MYO3A: variants seen among roughly 807,000 people sequenced by gnomAD.
MYO3A encodes the protein myosin IIIA, also known as myosin-IIIa.
MYO3A carries 180 observed loss-of-function variants against 192.7 expected under a neutral mutation model. The observed-to-expected ratio is 0.93, with a 90% confidence interval of 0.83 to 1.06. MYO3A has a LOEUF of 1.06. Among genes scored for constraint, MYO3A ranks in the 50% least tolerant of loss-of-function variants. The probability of loss-of-function intolerance (pLI) is 0.00; values close to 1 mark genes in which losing one functional copy is unlikely to be tolerated. For synonymous variants in MYO3A, 628 were observed against 645.3 expected, an observed-to-expected ratio of 0.97 and a Z score of 0.41; for missense variants, 1,896 against 1,905.0, an observed-to-expected ratio of 1.00 and a Z score of 0.09.
At chr10:26,094,420 C>CTT (rs965507109) in intron 15 of MYO3A, among the ~76,000 whole-genome samples, 2,710 of 101,278 alleles carry the variant, frequency 0.027, 60 homozygotes, top group African/African-American at 0.03. Context: ...TGAATAATTT[C>CTT]TTTTTTTTTT....
intron 14 of MYO3A, among the ~76,000 whole-genome samples, chr10:26,075,659 T>C (rs545990820): frequency 9.3e-6 from 1 of 107,904 alleles, no homozygotes; most frequent in African/African-American, 3.0e-5. Flanking sequence ...ATGTCTCTCA[T>C]ATATATATGA....
At chr10:25,987,409 G>A (rs1220753134) in intron 4 of MYO3A, among the ~76,000 whole-genome samples, 1 of 152,118 alleles carries the variant, frequency 6.6e-6, no homozygotes, top group Non-Finnish European at 1.5e-5. Context: ...GAAATAATCA[G>A]TAGAGTTAGC....
chr10:26,150,767 T>C (rs1278366183), intron 23 of MYO3A, among the ~76,000 whole-genome samples: 1 of 152,196 alleles, frequency 6.6e-6, no homozygotes, highest in Non-Finnish European at 1.5e-5. Context: ...AATGGTTTCA[T>C]TGGTTTTTTT....
At chr10:26,045,366 TTAGATAGA>T (rs3057671) in intron 10 of MYO3A, among the ~76,000 whole-genome samples, 36,631 of 142,338 alleles carry the variant, frequency 0.26, 4,863 homozygotes, top group Middle Eastern at 0.4. Context: ...ATGGGTGGCA[TTAGATAGA>T]TAGATAGATA....
chr10:26,049,497 G>A (rs1052009314), intron 10 of MYO3A, among the ~76,000 whole-genome samples: 17 of 152,096 alleles, frequency 1.1e-4, no homozygotes, highest in African/African-American at 4.1e-4. Flanking sequence ...GCTGATGGAA[G>A]GAGGAGGTTG....
chr10:26,113,584 T>C (rs893397725), intron 17 of MYO3A, among the ~76,000 whole-genome samples: 2 of 152,066 alleles, frequency 1.3e-5, no homozygotes, highest in Admixed American at 6.5e-5. Context: ...TGATACCAAG[T>C]TATTTTTTTC....
In MYO3A at chr10:26,143,735, G is replaced by C. The variant is rs1039904627; in HGVS notation, c.2416+134G>C. ...AGCCTGCATATTTGACTTTAAAGAA[G>C]AGCCTTTGGATTTAATACCTGGACC... is the stretch of plus-strand genomic sequence containing the variant. On this transcript the variant is annotated intron_variant, in intron 21 of 34. Coordinates refer to ENST00000642920, the MANE Select transcript of MYO3A (RefSeq NM_017433.5). 12 of 1,078,240 alleles carry C rather than the reference G, an allele frequency of 1.1e-5. 1 individual carries two copies. The African/African-American group carries it at 1.9e-4, about 17-fold the overall frequency. 66.8% of individuals were successfully genotyped at this position (1,078,240 alleles called of 1,614,324 possible). A position where few individuals can be genotyped will look rare whatever the true frequency, so the allele number is the denominator to read the frequency against.
At chr10:26,155,931 C>T (rs149253253) in intron 25 of MYO3A, among the ~76,000 whole-genome samples, 3 of 152,136 alleles carry the variant, frequency 2.0e-5, no homozygotes, top group Non-Finnish European at 4.4e-5. Context: ...AATCTTCAGG[C>T]TGAAGTGAGA....
Position 25,972,355 on chromosome 10 carries a change from G to A in MYO3A, c.303+17347G>A, listed in dbSNP as rs997931760. Among the ~76,000 whole-genome samples, 18 of 151,910 alleles carry A rather than the reference G, an allele frequency of 1.2e-4. 1 individual carries two copies. The South Asian group carries it at 3.3e-3, about 28-fold the overall frequency. Reference sequence around the variant, plus strand: ...TACCATCAAACCTTTCTTTGCTACTGTAAGGATGATTTCCTCTAGTTCTTT... The same window carrying A: ...TACCATCAAACCTTTCTTTGCTACTATAAGGATGATTTCCTCTAGTTCTTT... On this transcript the variant is annotated intron_variant, in intron 4 of 34. Transcript: ENST00000642920.
intron 15 of MYO3A, among the ~76,000 whole-genome samples, chr10:26,089,857 T>G (rs941895086): frequency 6.6e-6 from 1 of 152,190 alleles, no homozygotes; most frequent in South Asian, 2.1e-4. Context: ...TATAGCACAA[T>G]GAATGGCATA....
chr10:26,020,416 A>G (rs958795788), intron 7 of MYO3A, among the ~76,000 whole-genome samples: 3 of 152,314 alleles, frequency 2.0e-5, no homozygotes, highest in Non-Finnish European at 2.9e-5. Flanking sequence ...AATCTTACCA[A>G]CTGAATTCTA....
intron 4 of MYO3A, among the ~76,000 whole-genome samples, chr10:25,955,453 G>C (rs1837481261): frequency 6.6e-6 from 1 of 152,082 alleles, no homozygotes; most frequent in African/African-American, 2.4e-5. Flanking sequence ...CTAATGACTT[G>C]AGCTACAGAA....
chr10:26,134,114 T>C (rs996687806), intron 20 of MYO3A, among the ~76,000 whole-genome samples: 3 of 152,216 alleles, frequency 2.0e-5, no homozygotes, highest in African/African-American at 4.8e-5. Context: ...ATTTTCATCT[T>C]AGCATGCATT....
chr10:26,097,243 T>A (rs752291125), intron 17 of MYO3A, among the ~76,000 whole-genome samples: 7 of 152,162 alleles, frequency 4.6e-5, no homozygotes, highest in Non-Finnish European at 1.0e-4. Flanking sequence ...AATCTGCTTT[T>A]TCTGGACACT....
chr10:26,160,425 T>C (rs1027284087), intron 26 of MYO3A, among the ~76,000 whole-genome samples: 1 of 152,160 alleles, frequency 6.6e-6, no homozygotes, highest in Non-Finnish European at 1.5e-5. Context: ...GAAGGATCAT[T>C]TGATGCCAGG....
intron 20 of MYO3A, among the ~76,000 whole-genome samples, chr10:26,140,910 A>G (rs538718935): frequency 2.0e-5 from 3 of 152,090 alleles, no homozygotes; most frequent in African/African-American, 4.8e-5. Flanking sequence ...CTTTAAATGT[A>G]TATGTGTTTG....
At chr10:26,123,924 TA>T (rs966266288) in intron 18 of MYO3A, among the ~76,000 whole-genome samples, 5 of 150,878 alleles carry the variant, frequency 3.3e-5, no homozygotes, top group African/African-American at 1.2e-4. Flanking sequence ...AGACTCCATC[TA>T]AAACAAAAAA....
In MYO3A at chr10:26,070,310, A is replaced by C; in HGVS notation, c.1276-8A>C. ...AGGTCTTCTCACAGTTTTCTTTTCTATGTATAGTGCATTGTTATTTCTGGA... is the reference window on the plus strand; with the variant it reads ...AGGTCTTCTCACAGTTTTCTTTTCTCTGTATAGTGCATTGTTATTTCTGGA... On this transcript the variant is annotated splice_polypyrimidine_tract_variant and splice_region_variant and intron_variant, in intron 13 of 34. Transcript: ENST00000642920. 2.5e-6 allele frequency: 4 copies of C among 1,612,688 alleles called. No individual in the cohort carries two copies. Among genetic ancestry groups the C allele is most frequent in the Non-Finnish European group, 3.4e-6 (4 of 1,178,964 alleles).
chr10:25,934,652 G>A (rs1835925868), intron 1 of MYO3A, among the ~76,000 whole-genome samples: 1 of 151,624 alleles, frequency 6.6e-6, no homozygotes, highest in African/African-American at 2.4e-5. Context: ...AAACGGGGGC[G>A]GGGGTGAACT....
Sources: allele counts gnomAD v4.1 joint callset (sites outside exome capture counted in the v4.1 genomes callset), GRCh38; gene constraint gnomAD v4.1.1; transcripts MANE v1.5; gene names NCBI Gene and HGNC (gene_info 2026-07-23, HGNC 2026-07-21).